The following CACNA2D2 variants were observed in gnomAD, a reference collection of about 807,000 sequenced individuals.
The protein encoded by CACNA2D2 is voltage-dependent calcium channel subunit alpha-2/delta-2.
In CACNA2D2, 48 loss-of-function variants were observed where a neutral mutation model predicts 166.4. The ratio of observed to expected loss-of-function variants is 0.29; its 90% confidence interval spans 0.23 to 0.37. The LOEUF (loss-of-function observed/expected upper bound fraction) is 0.37, where lower values mean the gene tolerates loss of function less well. Ranked by LOEUF, CACNA2D2 falls within the 10% of genes least tolerant of loss-of-function variation. CACNA2D2 has a pLI of 1.00. For synonymous variants in CACNA2D2, 561 were observed against 573.7 expected (o/e 0.98, Z 0.32); for missense variants, 1,122 against 1,433.0 (o/e 0.78, Z 3.50).
intron 4 of CACNA2D2, among the ~76,000 whole-genome samples, chr3:50,392,830 G>A (rs1705948393): frequency 6.6e-6 from 1 of 152,250 alleles, no homozygotes. Context: ...TAGGAGAGAG[G>A]GAGAGAAGGG....
intron 2 of CACNA2D2, among the ~76,000 whole-genome samples, chr3:50,458,180 G>A (rs1356303707): frequency 6.6e-6 from 1 of 152,254 alleles, no homozygotes; most frequent in Non-Finnish European, 1.5e-5. Flanking sequence ...GCTGCTGGCT[G>A]CGTAAGCCAG....
At chr3:50,418,792 G>A (rs143026203) in intron 3 of CACNA2D2, among the ~76,000 whole-genome samples, 2,931 of 152,378 alleles carry the variant, frequency 0.019, 39 homozygotes, top group Non-Finnish European at 0.03. Context: ...CCCCTCAGAG[G>A]CATGGGCCTT....
At chr3:50,485,549 A>T (rs1387460203) in intron 1 of CACNA2D2, among the ~76,000 whole-genome samples, 1 of 152,280 alleles carries the variant, frequency 6.6e-6, no homozygotes, top group Non-Finnish European at 1.5e-5. Flanking sequence ...GTTCTGAAGC[A>T]TCTGGATTCG....
In CACNA2D2 at chr3:50,434,329, T is replaced by C; in HGVS notation, c.389A>G (p.Lys130Arg). The part of the protein sequence containing the change: ...AGDIESLLDR[K>R]VQALKRLADA... ...CACACCTACCTTCAGGGCCTGCACCTTCCTGTCCAGAAGGCTCTCAATGTC... is the reference window on the plus strand; with the variant it reads ...CACACCTACCTTCAGGGCCTGCACCCTCCTGTCCAGAAGGCTCTCAATGTC... Residue 130 changes from lysine to arginine, a missense_variant, in exon 3 of 38, where the codon AAG (lysine) becomes AGG (arginine). By Grantham distance (26) the Lys-to-Arg change is conservative. Transcript: ENST00000424201. 6.2e-7 allele frequency: 1 copy of C among 1,613,434 alleles called. No homozygotes were observed. The highest frequency in any genetic ancestry group is 8.5e-7 in the Non-Finnish European group (1 of 1,179,416).
At chr3:50,373,111 G>A (rs1221559115) in intron 22 of CACNA2D2, 2 of 1,533,628 alleles carry the variant, frequency 1.3e-6, no homozygotes, top group East Asian at 4.9e-5. Context: ...AAGAGAGAAA[G>A]CGAGGAAAAC....
chr3:50,429,244 C>A (rs1200906864), intron 3 of CACNA2D2, among the ~76,000 whole-genome samples: 1 of 151,918 alleles, frequency 6.6e-6, no homozygotes, highest in African/African-American at 2.4e-5. Context: ...ATAAATAAAC[C>A]CTGGTTTTGC....
chr3:50,476,218 G>C lies in CACNA2D2; in HGVS notation c.207-19C>G. 1 of 1,569,856 alleles carries C rather than the reference G, an allele frequency of 6.4e-7. No individual in the cohort carries two copies. Among genetic ancestry groups the C allele is most frequent in the Non-Finnish European group, 8.6e-7 (1 of 1,158,538 alleles). ...CTGCATCCTGTATGCAGAGAGAGGA[G>C]AGAGGTGTCAGGAGGGCCTGCCCAG... is the stretch of plus-strand genomic sequence containing the variant. On this transcript the variant is annotated intron_variant, in intron 1 of 37. Transcript: ENST00000424201.
intron 2 of CACNA2D2, among the ~76,000 whole-genome samples, chr3:50,464,716 C>G (rs1709751950): frequency 1.3e-5 from 2 of 152,182 alleles, no homozygotes; most frequent in African/African-American, 4.8e-5. Context: ...CCTTCGTTTC[C>G]CCTGAGTGGC....
At chr3:50,443,065 CCT>C (rs943319111) in intron 2 of CACNA2D2, among the ~76,000 whole-genome samples, 3 of 152,208 alleles carry the variant, frequency 2.0e-5, no homozygotes, top group Non-Finnish European at 4.4e-5. Context: ...GCTCCCCCTC[CCT>C]GAGTTGGGAG....
At chr3:50,484,840 C>G (rs181635553) in intron 1 of CACNA2D2, among the ~76,000 whole-genome samples, 1 of 152,232 alleles carries the variant, frequency 6.6e-6, no homozygotes, top group South Asian at 2.1e-4. Context: ...AATATACCTC[C>G]CCAGAGTCCT....
chr3:50,481,635 C>A (rs1425014275), intron 1 of CACNA2D2, among the ~76,000 whole-genome samples: 4 of 152,168 alleles, frequency 2.6e-5, no homozygotes, highest in Non-Finnish European at 5.9e-5. Context: ...CGGGGCCCCA[C>A]GTCTCTTGCT....
intron 3 of CACNA2D2, among the ~76,000 whole-genome samples, chr3:50,396,095 C>T (rs1197982276): frequency 6.6e-6 from 1 of 152,098 alleles, no homozygotes; most frequent in Non-Finnish European, 1.5e-5. Context: ...GGCCTCTCTA[C>T]TCCGTGATGC....
chr3:50,377,613 A>G, intron 16 of CACNA2D2, 72 bp from the exon 17 acceptor site: 1 of 1,574,384 alleles, frequency 6.4e-7, no homozygotes, highest in Non-Finnish European at 8.7e-7. Flanking sequence ...CAAGGCCTCA[A>G]GCTGCTCTCA....
intron 2 of CACNA2D2, among the ~76,000 whole-genome samples, chr3:50,435,486 A>G (rs1363489544): frequency 6.6e-6 from 1 of 151,906 alleles, no homozygotes; most frequent in East Asian, 1.9e-4. Flanking sequence ...CAGGCTGAGC[A>G]GAAGTGGAGG....
chr3:50,474,998 C>CA (rs1272616076), intron 2 of CACNA2D2, among the ~76,000 whole-genome samples: 1 of 152,158 alleles, frequency 6.6e-6, no homozygotes, highest in Non-Finnish European at 1.5e-5. Flanking sequence ...CACAGACCTC[C>CA]AGACCTGGAC....
At chr3:50,386,271 G>A (rs1206340645) in intron 5 of CACNA2D2, among the ~76,000 whole-genome samples, 1 of 152,184 alleles carries the variant, frequency 6.6e-6, no homozygotes, top group Non-Finnish European at 1.5e-5. Context: ...TGAGGCTGCT[G>A]GAGGTAGGTT....
chr3:50,395,993 G>A (rs1225831364), intron 3 of CACNA2D2, among the ~76,000 whole-genome samples: 1 of 152,074 alleles, frequency 6.6e-6, no homozygotes, highest in East Asian at 1.9e-4. Flanking sequence ...TCTGTCCCCT[G>A]CCACCCTTAA....
chr3:50,481,961 T>C (rs736471), intron 1 of CACNA2D2, among the ~76,000 whole-genome samples: 94,898 of 152,068 alleles, frequency 0.62, 30,661 homozygotes, highest in East Asian at 0.88. Flanking sequence ...TGCCACTGTA[T>C]TCCAGCGTGG....
At chr3:50,412,087 T>C (rs1424285591) in intron 3 of CACNA2D2, among the ~76,000 whole-genome samples, 1 of 152,256 alleles carries the variant, frequency 6.6e-6, no homozygotes, top group African/African-American at 2.4e-5. Flanking sequence ...TGGGCTCAGC[T>C]AGAGCAAGTG....
Sources: allele counts gnomAD v4.1 joint callset (sites outside exome capture counted in the v4.1 genomes callset), GRCh38; gene constraint gnomAD v4.1.1; transcripts MANE v1.5; gene names NCBI Gene and HGNC (gene_info 2026-07-23, HGNC 2026-07-21).